Variants in NEGR1 observed in about 807,000 individuals in gnomAD.
NEGR1 encodes IgLON family member 4.
Under a neutral mutation model 40.9 loss-of-function variants are expected in NEGR1, and 10 were observed. That is an observed-to-expected ratio of 0.24 (90% CI 0.15 to 0.42). The LOEUF is 0.42. Among genes scored for constraint, NEGR1 ranks in the 10% least tolerant of loss-of-function variants. NEGR1 has a pLI of 1.00. For missense variants in NEGR1, 352 were observed against 438.9 expected (o/e 0.80, Z 1.77); for synonymous variants, 185 against 166.8 (o/e 1.11, Z -0.84).
At position 72,066,992 on chromosome 1, in the gene NEGR1, A is replaced by T. The variant is rs573260988; in HGVS notation, c.177-131681T>A. ...GCCCATTCATTTTTTTTGCCATAAA[A>T]TTTTTGCCATAAGTTCCTAGTATGA... On this transcript the variant is annotated intron_variant, in intron 1 of 6. Transcript: ENST00000357731. Among the ~76,000 whole-genome samples the T allele has an allele frequency of 7.9e-5, 12 of 152,174 alleles. No homozygotes were observed. In the East Asian group the frequency reaches 2.1e-3, roughly 27 times the overall value.
At chr1:71,537,859 G>A (rs1490847363) in intron 6 of NEGR1, among the ~76,000 whole-genome samples, 1 of 151,612 alleles carries the variant, frequency 6.6e-6, no homozygotes, top group Admixed American at 6.6e-5. Context: ...TATTCTTCAC[G>A]AGGTGCCAAG....
chr1:71,915,094 G>A (rs552020883), intron 2 of NEGR1, among the ~76,000 whole-genome samples: 1 of 151,948 alleles, frequency 6.6e-6, no homozygotes, highest in Non-Finnish European at 1.5e-5. Flanking sequence ...GCTACATCAT[G>A]AAGTCCTTTT....
intron 6 of NEGR1, among the ~76,000 whole-genome samples, chr1:71,569,654 C>T: frequency 6.6e-6 from 1 of 151,942 alleles, no homozygotes; most frequent in East Asian, 1.9e-4. Flanking sequence ...TGGTTCTTGC[C>T]CTCACTAAAT....
At chr1:72,133,038 T>C (rs1197372239) in intron 1 of NEGR1, among the ~76,000 whole-genome samples, 1 of 152,144 alleles carries the variant, frequency 6.6e-6, no homozygotes, top group East Asian at 1.9e-4. Context: ...GCTTCTACAA[T>C]GGTTAGCTAC....
intron 3 of NEGR1, chr1:71,703,514 A>AG (rs1653771139): frequency 1.3e-5 from 2 of 151,538 alleles, no homozygotes; most frequent in Non-Finnish European, 2.9e-5. Flanking sequence ...AGGAAATAAG[A>AG]GAAAAAAAAT....
rs540163422 is a variant in NEGR1, at chr1:71,642,971, T to G, written c.668-31825A>C. Among the ~76,000 whole-genome samples, 8 of 151,876 alleles carry G rather than the reference T, an allele frequency of 5.3e-5. No homozygotes were observed. The South Asian group carries it at 1.0e-3, about 20-fold the overall frequency. ...AGGTAGGGCTAAGTATATTCAGAAG[T>G]GAATAAAGAAAGTTCATAATAAAGA... is the stretch of plus-strand genomic sequence containing the variant. On this transcript the variant is annotated intron_variant, in intron 4 of 6. Transcript: ENST00000357731.
intron 6 of NEGR1, among the ~76,000 whole-genome samples, chr1:71,533,660 T>C (rs1647427707): frequency 6.6e-6 from 1 of 151,690 alleles, no homozygotes; most frequent in South Asian, 2.1e-4. Flanking sequence ...AGCAAATATC[T>C]AACAAATAAA....
In NEGR1 at chr1:71,844,220, T is replaced by C. The variant is rs747416724; in HGVS notation, c.410-67923A>G. Among the ~76,000 whole-genome samples the C allele has an allele frequency of 1.1e-3, 175 of 152,226 alleles. 3 individuals carry two copies. The highest frequency in any genetic ancestry group is 8.5e-4 in the Non-Finnish European group (58 of 68,012). On this transcript the variant is annotated intron_variant, in intron 2 of 6. Coordinates refer to ENST00000357731, the MANE Select transcript of NEGR1 (RefSeq NM_173808.3). ...CTAATGAGAACTATGGATGTAACCA[T>C]CCCTTAACAAAGACATAATGCCTCA...
At chr1:72,114,461 T>G (rs1281868384) in intron 1 of NEGR1, among the ~76,000 whole-genome samples, 1 of 151,692 alleles carries the variant, frequency 6.6e-6, no homozygotes, top group Non-Finnish European at 1.5e-5. Context: ...ATAGATAGGA[T>G]AGATGATAAT....
chr1:72,259,518 T>C (rs771220702), intron 1 of NEGR1, among the ~76,000 whole-genome samples: 1 of 152,138 alleles, frequency 6.6e-6, no homozygotes, highest in Non-Finnish European at 1.5e-5. Context: ...ATCTAAATTA[T>C]GATAGTGGTT....
chr1:71,605,581 A>C lies in NEGR1; in HGVS notation c.788+5445T>G, dbSNP rs1650051845. Among the ~76,000 whole-genome samples, 4 of 152,216 alleles carry C rather than the reference A, an allele frequency of 2.6e-5. No homozygotes were observed. In the South Asian group the frequency reaches 8.3e-4, roughly 31 times the overall value. ...ACTATTCTCAAACATAGATTAATTG[A>C]ATTTCATATCACCAAAAACGTTTGC... On this transcript the variant is annotated intron_variant, in intron 5 of 6. Coordinates refer to ENST00000357731, the MANE Select transcript of NEGR1 (RefSeq NM_173808.3).
At chr1:71,799,934 G>C (rs531086323) in intron 2 of NEGR1, among the ~76,000 whole-genome samples, 2 of 152,010 alleles carry the variant, frequency 1.3e-5, no homozygotes, top group African/African-American at 2.4e-5. Context: ...GAATGGTCTC[G>C]ATCTCCTGTC....
chr1:71,544,588 C>G (rs984558769), intron 6 of NEGR1, among the ~76,000 whole-genome samples: 1 of 151,572 alleles, frequency 6.6e-6, no homozygotes, highest in Non-Finnish European at 1.5e-5. Context: ...GATCTTAGTG[C>G]CTGGCACATA....
intron 1 of NEGR1, among the ~76,000 whole-genome samples, chr1:72,247,661 T>C (rs1557596828): frequency 6.6e-6 from 1 of 152,168 alleles, no homozygotes; most frequent in Admixed American, 6.5e-5. Context: ...ATGTAACAAG[T>C]CTCTAAGAAG....
chr1:72,226,583 A>T (rs1476284805), intron 1 of NEGR1, among the ~76,000 whole-genome samples: 1 of 152,012 alleles, frequency 6.6e-6, no homozygotes, highest in African/African-American at 2.4e-5. Flanking sequence ...GTACATTCAA[A>T]ATTTGCAAGT....
chr1:71,655,138 A>G (rs1651837473), intron 4 of NEGR1, among the ~76,000 whole-genome samples: 1 of 152,174 alleles, frequency 6.6e-6, no homozygotes, highest in Admixed American at 6.5e-5. Context: ...CATTTATTCA[A>G]GGAGATTTTA....
intron 5 of NEGR1, among the ~76,000 whole-genome samples, chr1:71,594,246 C>G (rs1649607460): frequency 2.0e-5 from 3 of 152,176 alleles, no homozygotes; most frequent in African/African-American, 7.2e-5. Flanking sequence ...ATGCACTGAT[C>G]ACAACATAGG....
chr1:71,941,340 T>C (rs1570533369), intron 1 of NEGR1, among the ~76,000 whole-genome samples: 1 of 118,520 alleles, frequency 8.4e-6, no homozygotes, highest in East Asian at 2.0e-4. Context: ...CCTACCTTTG[T>C]TTTTTAGGGC....
intron 1 of NEGR1, among the ~76,000 whole-genome samples, chr1:72,060,919 G>A (rs1569895942): frequency 6.6e-6 from 1 of 151,478 alleles, no homozygotes; most frequent in African/African-American, 2.4e-5. Flanking sequence ...CAGAGCAGGT[G>A]CAAGTTACCA....
Sources: allele counts gnomAD v4.1 joint callset (sites outside exome capture counted in the v4.1 genomes callset), GRCh38; gene constraint gnomAD v4.1.1; transcripts MANE v1.5; gene names NCBI Gene and HGNC (gene_info 2026-07-23, HGNC 2026-07-21).